The following SPMAP2L variants were observed in gnomAD, a reference collection of about 807,000 sequenced individuals.
The protein encoded by SPMAP2L is sperm microtubule associated protein 2 like, also known as sperm microtubule associated protein 2-like.
chr4:56,548,772 A>T, the SPMAP2L span: 2 of 1,482,696 alleles, frequency 1.3e-6, no homozygotes, highest in Non-Finnish European at 1.8e-6. Context: ...TTTTGCTTTT[A>T]CTTTTGTTTT....
chr4:56,560,788 C>A, the SPMAP2L span, among the ~76,000 whole-genome samples: 2 of 152,140 alleles, frequency 1.3e-5, no homozygotes, highest in African/African-American at 4.8e-5. Flanking sequence ...CTCTGTTACT[C>A]AGGCTGGAGT....
the SPMAP2L span, chr4:56,593,395 T>C: frequency 7.5e-7 from 1 of 1,335,372 alleles, no homozygotes; most frequent in Non-Finnish European, 1.1e-6. Context: ...TGAGCTGAAG[T>C]TACCCTGTGA....
chr4:56,561,195 T>A, the SPMAP2L span, among the ~76,000 whole-genome samples: 2 of 152,232 alleles, frequency 1.3e-5, no homozygotes, highest in Non-Finnish European at 2.9e-5. Context: ...GAAGATCACT[T>A]CATTTTTTTG....
At chr4:56,594,202 G>T in the SPMAP2L span, 2,722 of 1,612,770 alleles carry the variant, frequency 1.7e-3, 48 homozygotes, top group African/African-American at 0.032. Flanking sequence ...TGTTCAAGAG[G>T]ACCAGCCCGT....
At chr4:56,537,846 C>T in the SPMAP2L span, among the ~76,000 whole-genome samples, 8 of 152,244 alleles carry the variant, frequency 5.3e-5, no homozygotes, top group Admixed American at 3.9e-4. Flanking sequence ...GTGCCCGCCA[C>T]CACGCCCGGC....
At chr4:56,565,531 C>T in the SPMAP2L span, among the ~76,000 whole-genome samples, 1 of 151,110 alleles carries the variant, frequency 6.6e-6, no homozygotes, top group Non-Finnish European at 1.5e-5. Context: ...ATTCATCATC[C>T]ATAAGGGAAA....
chr4:56,565,451 A>G, the SPMAP2L span, among the ~76,000 whole-genome samples: 1 of 152,218 alleles, frequency 6.6e-6, no homozygotes, highest in Non-Finnish European at 1.5e-5. Context: ...TGTTGACATG[A>G]CTGGAAAGTT....
chr4:56,604,118 T>C, the SPMAP2L span, among the ~76,000 whole-genome samples: 2 of 152,210 alleles, frequency 1.3e-5, no homozygotes, highest in Admixed American at 6.5e-5. Flanking sequence ...GTTCTACCTT[T>C]AACGTCTTTG....
At chr4:56,538,263 C>T in the SPMAP2L span, among the ~76,000 whole-genome samples, 3 of 149,792 alleles carry the variant, frequency 2.0e-5, no homozygotes, top group Non-Finnish European at 4.4e-5. Flanking sequence ...CCTTTCTGTT[C>T]CTCCAAAAGG....
chr4:56,623,213 G>C, the SPMAP2L span, among the ~76,000 whole-genome samples: 242 of 152,200 alleles, frequency 1.6e-3, no homozygotes, highest in African/African-American at 5.6e-3. Context: ...AGCCAGGCAT[G>C]ATCCTTTCTG....
chr4:56,574,371 A>T, the SPMAP2L span, among the ~76,000 whole-genome samples: 1 of 151,260 alleles, frequency 6.6e-6, no homozygotes, highest in African/African-American at 2.4e-5. Context: ...ATGAGCCATG[A>T]TTGTGCCACT....
the SPMAP2L span, among the ~76,000 whole-genome samples, chr4:56,599,360 C>T: frequency 1.3e-5 from 2 of 151,836 alleles, no homozygotes; most frequent in Non-Finnish European, 2.9e-5. Context: ...ATTTTTTTTG[C>T]TCAAAATTAT....
the SPMAP2L span, among the ~76,000 whole-genome samples, chr4:56,609,931 A>C: frequency 6.6e-6 from 1 of 152,230 alleles, no homozygotes; most frequent in East Asian, 1.9e-4. Context: ...GAGCAACCTG[A>C]ATAGGCTGAG....
chr4:56,623,020 C>G, the SPMAP2L span, among the ~76,000 whole-genome samples: 1 of 152,134 alleles, frequency 6.6e-6, no homozygotes, highest in Non-Finnish European at 1.5e-5. Flanking sequence ...CTGGTCCACA[C>G]GGGTTACTGC....
the SPMAP2L span, among the ~76,000 whole-genome samples, chr4:56,596,115 CA>C: frequency 6.8e-4 from 104 of 152,300 alleles, no homozygotes; most frequent in African/African-American, 2.2e-3. Context: ...AATCCCAGGA[CA>C]AATGTTTACA....
chr4:56,573,857 T>G, the SPMAP2L span, among the ~76,000 whole-genome samples: 1 of 152,028 alleles, frequency 6.6e-6, no homozygotes, highest in Non-Finnish European at 1.5e-5. Context: ...GGATACAGTC[T>G]TATATGCAGA....
At chr4:56,569,510 T>A in the SPMAP2L span, among the ~76,000 whole-genome samples, 350 of 151,910 alleles carry the variant, frequency 2.3e-3, 2 homozygotes, top group African/African-American at 6.2e-3. Context: ...GTTTTTTTTT[T>A]AAAAAAATGG....
chr4:56,625,501 T>C, the SPMAP2L span, among the ~76,000 whole-genome samples: 1 of 152,092 alleles, frequency 6.6e-6, no homozygotes, highest in Non-Finnish European at 1.5e-5. Context: ...GAATTGTATC[T>C]CCCAGAATTC....
chr4:56,594,731 C>A, the SPMAP2L span: 3 of 1,463,502 alleles, frequency 2.0e-6, no homozygotes, highest in Non-Finnish European at 2.9e-6. Context: ...CAAGGAGAAC[C>A]TAGCAGCCAT....
Sources: gnomAD v4.1 joint callset for allele counts (sites outside exome capture counted in the v4.1 genomes callset) on GRCh38, gnomAD v4.1.1 for gene constraint, MANE v1.5 for transcripts, NCBI Gene and HGNC (gene_info 2026-07-23, HGNC 2026-07-21) for gene names.